The following RBPJ variants were observed in gnomAD, a reference collection of about 807,000 sequenced individuals.
The protein encoded by RBPJ is recombination signal binding protein for immunoglobulin kappa J region, also known as recombining binding protein suppressor of hairless.
Under a neutral mutation model 67.8 loss-of-function variants are expected in RBPJ, and 9 were observed. That is an observed-to-expected ratio of 0.13 (90% CI 0.08 to 0.23). RBPJ has a LOEUF of 0.23. RBPJ is among the 10% of genes least tolerant of loss of function. The probability of loss-of-function intolerance (pLI) is 1.00; values close to 1 mark genes in which losing one functional copy is unlikely to be tolerated. For synonymous variants in RBPJ, 198 were observed against 203.3 expected, an observed-to-expected ratio of 0.97 and a Z score of 0.22; for missense variants, 305 against 595.6, an observed-to-expected ratio of 0.51 and a Z score of 5.08.
intron 1 of RBPJ, among the ~76,000 whole-genome samples, chr4:26,339,983 C>T (rs1035745988): frequency 2.0e-5 from 3 of 151,790 alleles, no homozygotes; most frequent in Non-Finnish European, 2.9e-5. Flanking sequence ...CACGCCATTG[C>T]GCTCCAGCCT....
chr4:26,432,021 C>T lies in RBPJ; in HGVS notation c.*1014C>T, dbSNP rs184000400. ...CCAGGATTTGTTCAGGTTTTTCCCCCCTCCTAATCTTGTACATAACTTGTA... is the reference window on the plus strand; with the variant it reads ...CCAGGATTTGTTCAGGTTTTTCCCCTCTCCTAATCTTGTACATAACTTGTA... On this transcript the variant is annotated 3_prime_UTR_variant, in exon 11 of 11. Transcript: ENST00000355476. 6.6e-6 allele frequency: 1 copy of T among 152,292 alleles called. No individual in the cohort carries two copies. Among genetic ancestry groups the T allele is most frequent in the African/African-American group, 2.4e-5 (1 of 41,554 alleles). 9.4% of individuals were successfully genotyped at this position (152,292 alleles called of 1,614,324 possible).
At chr4:26,386,306 A>ATC in intron 1 of RBPJ, 47 bp from the exon 2 acceptor site, 1 of 1,366,120 alleles carries the variant, frequency 7.3e-7, no homozygotes, top group Non-Finnish European at 1.0e-6. Flanking sequence ...TGTAGAGTGT[A>ATC]TCATAAAGCT....
the RBPJ span, among the ~76,000 whole-genome samples, chr4:26,124,316 T>A: frequency 0.28 from 41,663 of 150,272 alleles, 6,166 homozygotes; most frequent in Non-Finnish European, 0.31. Context: ...TGGTTTTCCA[T>A]TCCTGAGTTA....
In RBPJ at chr4:26,306,942, C is replaced by T. The variant is rs111860702; in HGVS notation, c.-166-55504C>T. ...TGCATTTCTCATCATTTTATACTTT[C>T]GTAAATCATTTTTGTAACTTTAAAT... is the stretch of plus-strand genomic sequence containing the variant. On this transcript the variant is annotated intron_variant, in intron 1 of 4. Coordinates refer to the RBPJ transcript ENST00000512351. Among the ~76,000 whole-genome samples, 1,328 of 151,724 alleles carry T rather than the reference C, an allele frequency of 8.8e-3. 23 individuals carry two copies. Among genetic ancestry groups the T allele is most frequent in the African/African-American group, 0.03 (1,260 of 41,416 alleles).
chr4:26,414,651 G>A (rs1435182075), intron 3 of RBPJ, among the ~76,000 whole-genome samples: 2 of 152,138 alleles, frequency 1.3e-5, no homozygotes, highest in East Asian at 3.9e-4. Context: ...TGGATTGATG[G>A]TCTGAACTAT....
chr4:26,273,553 G>A (rs1028587179), intron 1 of RBPJ, among the ~76,000 whole-genome samples: 4 of 152,218 alleles, frequency 2.6e-5, no homozygotes, highest in Non-Finnish European at 5.9e-5. Flanking sequence ...ATCTATGTCC[G>A]AGGCCATTCT....
chr4:26,353,892 G>A (rs551960281), intron 1 of RBPJ, among the ~76,000 whole-genome samples: 2 of 149,770 alleles, frequency 1.3e-5, no homozygotes, highest in African/African-American at 4.9e-5. Context: ...GATTACAGTT[G>A]TAAGCTACTG....
chr4:26,233,963 G>T lies in RBPJ; in HGVS notation c.-167+70349G>T, dbSNP rs578122130. 2.0e-5 allele frequency among the ~76,000 whole-genome samples: 3 copies of T among 152,220 alleles called. No homozygotes were observed. The South Asian group carries it at 6.2e-4, about 32-fold the overall frequency. ...TTTTCAAAAAATGTCAGAGCTCATT[G>T]TACAAAAAAAAATTCATAATTGCAA... On this transcript the variant is annotated intron_variant, in intron 1 of 4. Transcript: ENST00000512351.
upstream of RBPJ, chr4:26,320,841 C>G (rs1722945192): frequency 1.3e-6 from 2 of 1,566,288 alleles, no homozygotes; most frequent in African/African-American, 1.3e-5. Context: ...AGGCAGCGAG[C>G]AGGATCCCCT....
At chr4:26,280,161 G>A (rs1247578913) in intron 1 of RBPJ, among the ~76,000 whole-genome samples, 4 of 151,418 alleles carry the variant, frequency 2.6e-5, no homozygotes, top group Admixed American at 6.6e-5. Context: ...TTGGGAGGCC[G>A]AGGTGGATGG....
At chr4:26,155,828 A>G in the RBPJ span, among the ~76,000 whole-genome samples, 1 of 152,234 alleles carries the variant, frequency 6.6e-6, no homozygotes, top group African/African-American at 2.4e-5. Flanking sequence ...GTGAAGGTAC[A>G]GAGGAGAGAA....
intron 1 of RBPJ, among the ~76,000 whole-genome samples, chr4:26,326,431 A>G (rs1295266493): frequency 6.6e-6 from 1 of 152,108 alleles, no homozygotes; most frequent in Non-Finnish European, 1.5e-5. Flanking sequence ...TTATCAAAAG[A>G]TTCCATTATT....
chr4:26,349,316 C>G (rs1726554772), intron 1 of RBPJ, among the ~76,000 whole-genome samples: 1 of 152,162 alleles, frequency 6.6e-6, no homozygotes, highest in South Asian at 2.1e-4. Context: ...AAGTGATCCT[C>G]CCACCTCAGC....
chr4:26,113,219 T>TG, the RBPJ span: 6 of 289,734 alleles, frequency 2.1e-5, no homozygotes, highest in Admixed American at 7.9e-5. Context: ...ATAGTACACA[T>TG]GGGGGGAAGC....
At chr4:26,177,957 C>T (rs1716855022) in intron 1 of RBPJ, among the ~76,000 whole-genome samples, 2 of 152,176 alleles carry the variant, frequency 1.3e-5, no homozygotes, top group Non-Finnish European at 2.9e-5. Context: ...TAAACACTTC[C>T]CTCACATCAT....
upstream of RBPJ, among the ~76,000 whole-genome samples, chr4:26,318,856 G>C (rs1234321859): frequency 1.3e-5 from 2 of 151,804 alleles, no homozygotes; most frequent in Non-Finnish European, 2.9e-5. Flanking sequence ...AATTAGCCGG[G>C]CGTGGTGGCG....
the RBPJ span, among the ~76,000 whole-genome samples, chr4:26,137,765 AATG>A: frequency 2.0e-5 from 3 of 152,162 alleles, no homozygotes; most frequent in African/African-American, 7.2e-5. Context: ...TGGGTCATCA[AATG>A]ATGAACTGCC....
chr4:26,287,590 AGAGGGGAGGGGAGGGGAGGGGAGGG>A (rs551297816), intron 1 of RBPJ, among the ~76,000 whole-genome samples: 7 of 6,388 alleles, frequency 1.1e-3, no homozygotes, highest in African/African-American at 1.4e-3. Flanking sequence ...ACAGGAGAGG[AGAGGGGAGGGGAGGGGAGGGGAGGG>A]GAGGGGAGGG....
chr4:26,386,079 C>T (rs1368458052), intron 1 of RBPJ, among the ~76,000 whole-genome samples: 2 of 152,128 alleles, frequency 1.3e-5, no homozygotes, highest in Non-Finnish European at 2.9e-5. Context: ...ATTGGTAAGT[C>T]GTCTCTAAAA....
Sources: gnomAD v4.1 joint callset for allele counts (sites outside exome capture counted in the v4.1 genomes callset) on GRCh38, gnomAD v4.1.1 for gene constraint, MANE v1.5 for transcripts, NCBI Gene and HGNC (gene_info 2026-07-23, HGNC 2026-07-21) for gene names.